Variants in TRPC4 observed in about 807,000 individuals in gnomAD.
TRPC4 encodes the protein short transient receptor potential channel 4.
Under a neutral mutation model 99.4 loss-of-function variants are expected in TRPC4, and 49 were observed. The observed-to-expected ratio is 0.49, with a 90% CI of 0.39 to 0.63. TRPC4 has a LOEUF of 0.63. Among genes scored for constraint, TRPC4 ranks in the 20% least tolerant of loss-of-function variants. TRPC4 has a pLI of 0.00. For synonymous variants in TRPC4, 454 were observed against 425.9 expected, an observed-to-expected ratio of 1.07 and a Z score of -0.81; for missense variants, 898 against 1,152.9, an observed-to-expected ratio of 0.78 and a Z score of 3.20.
intron 1 of TRPC4, among the ~76,000 whole-genome samples, chr13:37,847,546 C>T (rs571753301): frequency 4.6e-5 from 7 of 151,870 alleles, no homozygotes; most frequent in Non-Finnish European, 8.8e-5. Flanking sequence ...AAAGGCAGTC[C>T]TAAGTTGATG....
Position 37,745,880 on chromosome 13 carries a change from G to T in TRPC4, c.897+57C>A. The T allele has an allele frequency of 1.3e-6, 2 of 1,544,720 alleles. 1 individual carries two copies. The highest frequency in any genetic ancestry group is 4.5e-5 in the East Asian group (2 of 44,162). ...AAACTAATTTTGTGAGTAGCAGTTTGCTTCACTGTGATTAAACTCTATGGC... is the reference window on the plus strand; with the variant it reads ...AAACTAATTTTGTGAGTAGCAGTTTTCTTCACTGTGATTAAACTCTATGGC... On this transcript the variant is annotated intron_variant, in intron 3 of 10. Transcript: ENST00000379705.
chr13:37,859,124 A>G (rs1251545896), intron 1 of TRPC4, among the ~76,000 whole-genome samples: 1 of 151,594 alleles, frequency 6.6e-6, no homozygotes, highest in Non-Finnish European at 1.5e-5. Flanking sequence ...CAGTTTACAG[A>G]TAGGACATGG....
At chr13:37,841,112 T>C (rs890055905) in intron 1 of TRPC4, among the ~76,000 whole-genome samples, 24 of 152,104 alleles carry the variant, frequency 1.6e-4, no homozygotes, top group Non-Finnish European at 3.4e-4. Context: ...ATTGTGCTTG[T>C]TTATAATAAT....
chr13:37,768,663 A>AAC (rs375944847), intron 2 of TRPC4, among the ~76,000 whole-genome samples: 52,078 of 142,530 alleles, frequency 0.37, 9,500 homozygotes, highest in Non-Finnish European at 0.4. Flanking sequence ...CACACATACG[A>AAC]ACACACACGC....
At chr13:37,667,736 G>A (rs1952696501) in intron 5 of TRPC4, among the ~76,000 whole-genome samples, 1 of 152,110 alleles carries the variant, frequency 6.6e-6, no homozygotes, top group Non-Finnish European at 1.5e-5. Context: ...TCTATGTTCT[G>A]ACTCCTTTTA....
At chr13:37,779,690 C>G (rs1049197248) in intron 2 of TRPC4, among the ~76,000 whole-genome samples, 2 of 151,972 alleles carry the variant, frequency 1.3e-5, no homozygotes, top group Non-Finnish European at 2.9e-5. Context: ...ATCTACATAA[C>G]AATCCCAGAC....
chr13:37,733,300 C>G (rs536138536), intron 3 of TRPC4, among the ~76,000 whole-genome samples: 2 of 152,060 alleles, frequency 1.3e-5, no homozygotes. Flanking sequence ...AGAATAAAGT[C>G]ACTTCTGTTG....
chr13:37,803,740 G>A (rs1334367570), intron 1 of TRPC4, among the ~76,000 whole-genome samples: 1 of 152,034 alleles, frequency 6.6e-6, no homozygotes, highest in Non-Finnish European at 1.5e-5. Flanking sequence ...TAGGGGGCTG[G>A]TTAACAGGGA....
chr13:37,634,966 C>T lies in TRPC4; in HGVS notation c.*1937G>A, dbSNP rs139929434. On this transcript the variant is annotated 3_prime_UTR_variant, in exon 11 of 11. Coordinates refer to ENST00000379705, the MANE Select transcript of TRPC4 (RefSeq NM_016179.4). ...AACCAGGTTTAGGAGTGAACAGGGG[C>T]TTAGTGCTCCTGGCTTTTCTGAAAA... 2.9e-4 allele frequency among the ~76,000 whole-genome samples: 44 copies of T among 152,136 alleles called. No homozygotes were observed. The East Asian group carries it at 7.2e-3, about 25-fold the overall frequency.
At chr13:37,727,164 G>C (rs561871969) in intron 3 of TRPC4, among the ~76,000 whole-genome samples, 4 of 151,922 alleles carry the variant, frequency 2.6e-5, no homozygotes, top group Middle Eastern at 3.4e-3. Flanking sequence ...ACATTTTCAG[G>C]GTAGACCACG....
intron 1 of TRPC4, among the ~76,000 whole-genome samples, chr13:37,861,820 T>C (rs953057881): frequency 2.0e-5 from 3 of 151,502 alleles, no homozygotes; most frequent in African/African-American, 7.2e-5. Flanking sequence ...GGGACATATC[T>C]TTAAATGTTC....
rs759296018 is a variant in TRPC4 at position 37,745,965 on chromosome 13, T to G, written c.869A>C (p.Lys290Thr). Residue 290 changes from lysine (K) to threonine (T), a missense_variant, in exon 3 of 11, where the codon AAA (lysine) becomes ACA (threonine). Around this residue, in one of 3 missense-constraint regions of TRPC4, gnomAD observed 278 missense variants for 346.6 expected, o/e 0.80. Transcript: ENST00000379705. ...EQSGNDLARL[K>T]LAIKYRQKEF... ...TTTTTGACGGTACTTAATGGCCAAT[T>G]TTAGTCTTGCAAGATCATTTCCACT... 6.2e-7 allele frequency: 1 copy of G among 1,613,476 alleles called. No homozygotes were observed. The highest frequency in any genetic ancestry group is 1.7e-5 in the Admixed American group (1 of 59,988).
At chr13:37,812,823 A>T (rs976426660) in intron 1 of TRPC4, among the ~76,000 whole-genome samples, 1 of 152,100 alleles carries the variant, frequency 6.6e-6, no homozygotes, top group Non-Finnish European at 1.5e-5. Flanking sequence ...GTGATAATCA[A>T]ATTTCTTAAA....
chr13:37,785,650 A>G (rs1202290403), intron 1 of TRPC4, among the ~76,000 whole-genome samples: 9 of 152,214 alleles, frequency 5.9e-5, no homozygotes, highest in African/African-American at 1.7e-4. Flanking sequence ...ATTATGATTC[A>G]ATCAAGGTTA....
intron 5 of TRPC4, among the ~76,000 whole-genome samples, chr13:37,669,020 T>C (rs898033234): frequency 8.5e-5 from 13 of 152,122 alleles, no homozygotes; most frequent in Admixed American, 5.2e-4. Flanking sequence ...CAGACTAAAG[T>C]TACATCATTT....
intron 2 of TRPC4, among the ~76,000 whole-genome samples, chr13:37,770,908 C>A (rs1956534864): frequency 6.6e-6 from 1 of 151,538 alleles, no homozygotes; most frequent in East Asian, 1.9e-4. Flanking sequence ...ATTTTTAATA[C>A]AATTTTACCA....
At chr13:37,663,840 C>T (rs1380576085) in intron 5 of TRPC4, 111 bp from the exon 6 acceptor site, 4 of 1,046,624 alleles carry the variant, frequency 3.8e-6, no homozygotes, top group East Asian at 2.6e-5. Context: ...TAATTGATGA[C>T]TTTGTTTTCG....
rs1555265739 is a variant in TRPC4 at position 37,745,459 on chromosome 13, T to TATATGC, written c.897+477_897+478insGCATAT. ...GCGTATATATATATATATATATATA[T>TATATGC]ATATATATATATATACACACACACA... On this transcript the variant is annotated intron_variant, in intron 3 of 10. Transcript: ENST00000379705. Among the ~76,000 whole-genome samples the TATATGC allele has an allele frequency of 6.0e-4, 52 of 86,838 alleles. 2 individuals are homozygous for TATATGC. Among genetic ancestry groups the TATATGC allele is most frequent in the African/African-American group, 3.1e-3 (36 of 11,692 alleles). 57.0% of individuals were successfully genotyped at this position (86,838 alleles called of 152,430 possible). A position where few individuals can be genotyped will look rare whatever the true frequency, so the allele number is the denominator to read the frequency against.
At chr13:37,664,300 G>A (rs1208675187) in intron 5 of TRPC4, among the ~76,000 whole-genome samples, 3 of 152,092 alleles carry the variant, frequency 2.0e-5, no homozygotes, top group Admixed American at 6.6e-5. Context: ...AAGGCCTGGC[G>A]CGGTGGCTGA....
Sources: gnomAD v4.1 joint callset for allele counts (sites outside exome capture counted in the v4.1 genomes callset) on GRCh38, gnomAD v4.1.1 for gene constraint, gnomAD v4.1.1 regional missense constraint, MANE v1.5 for transcripts, NCBI Gene and HGNC (gene_info 2026-07-23, HGNC 2026-07-21) for gene names.